The following NKAIN2 variants were observed in gnomAD, a reference collection of about 807,000 sequenced individuals.
NKAIN2 encodes sodium/potassium transporting ATPase interacting 2, also known as sodium/potassium-transporting ATPase subunit beta-1-interacting protein 2.
Under a neutral mutation model 32.6 loss-of-function variants are expected in NKAIN2, and 14 were observed. The observed-to-expected ratio is 0.43, with a 90% CI of 0.28 to 0.67. The LOEUF (loss-of-function observed/expected upper bound fraction) is 0.67, where lower values mean the gene tolerates loss of function less well. NKAIN2 is among the 30% of genes least tolerant of loss of function. The pLI is 0.17. For synonymous variants in NKAIN2, 80 were observed against 87.2 expected (o/e 0.92, Z 0.46); for missense variants, 198 against 258.3 (o/e 0.77, Z 1.60).
rs187255836 is a variant in NKAIN2, at chr6:124,761,807, A to G, written c.475-29532A>G. On this transcript the variant is annotated intron_variant, in intron 4 of 6. Coordinates refer to ENST00000368417, the MANE Select transcript of NKAIN2 (RefSeq NM_001040214.3). ...TGAATGGGGAAAAACTTATATTAAT[A>G]ACCCATTCTGTTGTATTTGTCATTA... Among the ~76,000 whole-genome samples, 922 of 152,286 alleles carry G rather than the reference A, an allele frequency of 6.1e-3. 6 individuals carry two copies. The highest frequency in any genetic ancestry group is 7.4e-3 in the Non-Finnish European group (505 of 68,016).
chr6:124,132,038 C>T (rs957624207), intron 1 of NKAIN2, among the ~76,000 whole-genome samples: 2 of 152,150 alleles, frequency 1.3e-5, no homozygotes, highest in African/African-American at 2.4e-5. Context: ...GTTCTGCCTG[C>T]AGGCTGCCTG....
At chr6:124,635,139 G>A (rs570337625) in intron 3 of NKAIN2, among the ~76,000 whole-genome samples, 1 of 152,066 alleles carries the variant, frequency 6.6e-6, no homozygotes, top group South Asian at 2.1e-4. Flanking sequence ...TGCACAGCAT[G>A]GCTATTCTTC....
intron 5 of NKAIN2, among the ~76,000 whole-genome samples, chr6:124,805,393 G>A (rs1780497789): frequency 6.6e-6 from 1 of 152,150 alleles, no homozygotes; most frequent in African/African-American, 2.4e-5. Context: ...GTCTGGAGTG[G>A]ACCTCTAGCA....
rs544977615 is a variant in NKAIN2 at position 124,500,228 on chromosome 6, T to C, written c.273+144881T>C. ...AGTTTTGGAAATATCAGTCTAGCAA[T>C]AGCCTGTGAGTAAAGCCATTTCAGC... On this transcript the variant is annotated intron_variant, in intron 3 of 6. Coordinates refer to ENST00000368417, the MANE Select transcript of NKAIN2 (RefSeq NM_001040214.3). Among the ~76,000 whole-genome samples, 3 of 152,316 alleles carry C rather than the reference T, an allele frequency of 2.0e-5. No individual in the cohort carries two copies. The South Asian group carries it at 6.2e-4, about 32-fold the overall frequency.
chr6:124,129,343 C>T (rs1786338937), intron 1 of NKAIN2, among the ~76,000 whole-genome samples: 1 of 152,100 alleles, frequency 6.6e-6, no homozygotes, highest in East Asian at 1.9e-4. Flanking sequence ...AGATCACCCT[C>T]TAAGATTTAT....
chr6:124,454,192 C>G (rs1381701754), intron 3 of NKAIN2, among the ~76,000 whole-genome samples: 1 of 151,346 alleles, frequency 6.6e-6, no homozygotes, highest in African/African-American at 2.4e-5. Flanking sequence ...GACTTCTGCC[C>G]TTAGTGAATA....
chr6:124,313,986 C>T (rs573709250), intron 2 of NKAIN2, among the ~76,000 whole-genome samples: 6 of 152,068 alleles, frequency 3.9e-5, no homozygotes, highest in Admixed American at 1.3e-4. Context: ...TTGACATTCC[C>T]GGGGGTAGAA....
chr6:124,043,380 A>G (rs983836329), intron 1 of NKAIN2, among the ~76,000 whole-genome samples: 2 of 152,052 alleles, frequency 1.3e-5, no homozygotes, highest in African/African-American at 4.8e-5. Flanking sequence ...CAAATTTCTT[A>G]AGGATATTTA....
At chr6:124,470,603 A>G (rs1776933569) in intron 3 of NKAIN2, among the ~76,000 whole-genome samples, 1 of 152,198 alleles carries the variant, frequency 6.6e-6, no homozygotes, top group African/African-American at 2.4e-5. Flanking sequence ...GAGAAATAGT[A>G]AATCTTTTCT....
intron 1 of NKAIN2, among the ~76,000 whole-genome samples, chr6:124,056,565 TA>T (rs1782663573): frequency 6.6e-6 from 1 of 152,134 alleles, no homozygotes; most frequent in South Asian, 2.1e-4. Context: ...AGGTGAATAA[TA>T]AATGTGCATC....
chr6:123,813,448 T>G (rs1238170851), intron 1 of NKAIN2, among the ~76,000 whole-genome samples: 1 of 152,190 alleles, frequency 6.6e-6, no homozygotes, highest in Non-Finnish European at 1.5e-5. Flanking sequence ...GATATTAGGG[T>G]TTGTGGATAT....
intron 3 of NKAIN2, among the ~76,000 whole-genome samples, chr6:124,620,258 A>G (rs932702526): frequency 2.0e-5 from 3 of 152,206 alleles, no homozygotes; most frequent in South Asian, 2.1e-4. Context: ...CAAAATTCAC[A>G]TACAGGGTAA....
rs138892129 is a variant in NKAIN2 at position 124,771,741 on chromosome 6, G to T, written c.475-19598G>T. Among the ~76,000 whole-genome samples the T allele has an allele frequency of 1.9e-3, 287 of 152,186 alleles. 1 individual carries two copies. The highest frequency in any genetic ancestry group is 3.9e-3 in the South Asian group (19 of 4,822). On this transcript the variant is annotated intron_variant, in intron 4 of 6. Transcript: ENST00000368417. The stretch of plus-strand genomic sequence containing the variant: ...ATCAATTTTGAAATTAATGAAATCT[G>T]AATCTAAATTTTTTTTAAAAAGTGT...
In NKAIN2 at chr6:124,818,370, G is replaced by A; in HGVS notation, c.536-17G>A. ...TATCTCTTCTGAAAAGCTAATTAAT[G>A]AATTGTCCCTTTTCAGTTGATTTCA... On this transcript the variant is annotated splice_polypyrimidine_tract_variant and intron_variant, in intron 5 of 6. Transcript: ENST00000368417. 6.8e-7 allele frequency: 1 copy of A among 1,470,182 alleles called. No individual in the cohort carries two copies. The highest frequency in any genetic ancestry group is 9.5e-7 in the Non-Finnish European group (1 of 1,050,844). The allele number at this position is 1,470,182 out of a possible 1,614,324, so 91.1% of individuals were successfully genotyped here.
intron 1 of NKAIN2, among the ~76,000 whole-genome samples, chr6:123,808,483 A>T (rs1773316395): frequency 6.6e-6 from 1 of 152,130 alleles, no homozygotes. Context: ...TTTGTTTTTA[A>T]TTTATTCTCA....
At chr6:124,245,651 C>G (rs1343172340) in intron 1 of NKAIN2, among the ~76,000 whole-genome samples, 1 of 151,968 alleles carries the variant, frequency 6.6e-6, no homozygotes, top group African/African-American at 2.4e-5. Context: ...AAGCTTTTAC[C>G]AAACTGGAAT....
chr6:123,884,952 C>G (rs761989492), intron 1 of NKAIN2, among the ~76,000 whole-genome samples: 4 of 152,068 alleles, frequency 2.6e-5, no homozygotes, highest in Admixed American at 6.5e-5. Context: ...TATCACTGTT[C>G]TATATGCCTA....
chr6:124,157,072 C>T (rs191006926), intron 1 of NKAIN2, among the ~76,000 whole-genome samples: 134 of 119,154 alleles, frequency 1.1e-3, no homozygotes, highest in African/African-American at 3.9e-3. Context: ...CACTGCACTC[C>T]GGCCTGGGTG....
At chr6:124,091,600 A>G (rs139126556) in intron 1 of NKAIN2, among the ~76,000 whole-genome samples, 1 of 152,120 alleles carries the variant, frequency 6.6e-6, no homozygotes, top group East Asian at 1.9e-4. Context: ...ATCAAATTCT[A>G]AATTACTGAC....
Sources: gnomAD v4.1 joint callset for allele counts (sites outside exome capture counted in the v4.1 genomes callset) on GRCh38, gnomAD v4.1.1 for gene constraint, MANE v1.5 for transcripts, NCBI Gene and HGNC (gene_info 2026-07-23, HGNC 2026-07-21) for gene names.